The following NECTIN2 variants were observed in gnomAD, a reference collection of about 807,000 sequenced individuals.
The protein encoded by NECTIN2 is nectin-2.
NECTIN2 carries 23 observed loss-of-function variants against 56.9 expected under a neutral mutation model. That is an observed-to-expected ratio of 0.40 (90% CI 0.29 to 0.57). NECTIN2 has a LOEUF of 0.57. Ranked by LOEUF, NECTIN2 falls within the 20% of genes least tolerant of loss-of-function variation. NECTIN2 has a pLI of 0.38. For missense variants in NECTIN2, 587 were observed against 718.3 expected (o/e 0.82, Z 2.09); for synonymous variants, 302 against 313.8 (o/e 0.96, Z 0.40).
intron 1 of NECTIN2, among the ~76,000 whole-genome samples, chr19:44,848,156 A>T (rs1175506089): frequency 6.6e-6 from 1 of 152,018 alleles, no homozygotes; most frequent in Non-Finnish European, 1.5e-5. Flanking sequence ...CAGAGCTGGG[A>T]ACTCCGCTTC....
At chr19:44,878,406 AT>A (rs769058170) in intron 5 of NECTIN2, 2 of 1,565,440 alleles carry the variant, frequency 1.3e-6, no homozygotes, top group African/African-American at 2.7e-5. Context: ...GGATTCTACG[AT>A]CCGAAAGCTC....
At chr19:44,863,517 A>G (rs1969057821) in intron 1 of NECTIN2, among the ~76,000 whole-genome samples, 1 of 152,202 alleles carries the variant, frequency 6.6e-6, no homozygotes, top group Non-Finnish European at 1.5e-5. Flanking sequence ...CCTCTATGCA[A>G]TATATGTATG....
intron 5 of NECTIN2, among the ~76,000 whole-genome samples, chr19:44,880,163 T>G (rs1327973653): frequency 6.6e-6 from 1 of 152,150 alleles, no homozygotes; most frequent in Non-Finnish European, 1.5e-5. Flanking sequence ...CCTCTGGTTG[T>G]TTGTTGTCTG....
chr19:44,850,804 T>C (rs1010240549), intron 1 of NECTIN2, among the ~76,000 whole-genome samples: 1 of 152,112 alleles, frequency 6.6e-6, no homozygotes, highest in Non-Finnish European at 1.5e-5. Context: ...CTGTGATTAA[T>C]ACAATTAATT....
intron 1 of NECTIN2, among the ~76,000 whole-genome samples, chr19:44,862,482 A>T (rs1181606669): frequency 6.6e-6 from 1 of 151,958 alleles, no homozygotes; most frequent in Non-Finnish European, 1.5e-5. Context: ...AAAAAAAGAA[A>T]GAAAATGTGG....
At chr19:44,851,892 G>A (rs967555650) in intron 1 of NECTIN2, among the ~76,000 whole-genome samples, 1 of 152,074 alleles carries the variant, frequency 6.6e-6, no homozygotes, top group African/African-American at 2.4e-5. Flanking sequence ...GAGCGTCTGG[G>A]CAGCGGCCCT....
At chr19:44,859,493 G>A (rs1815772216) in intron 1 of NECTIN2, among the ~76,000 whole-genome samples, 1 of 152,156 alleles carries the variant, frequency 6.6e-6, no homozygotes, top group South Asian at 2.1e-4. Context: ...GTGCACAGCA[G>A]AGGAAGATTT....
chr19:44,873,801 T>C, intron 3 of NECTIN2, 115 bp from the exon 4 acceptor site: 1 of 748,474 alleles, frequency 1.3e-6, no homozygotes, highest in South Asian at 1.6e-5. Flanking sequence ...CAGTTTTGAC[T>C]GCTGTACCTC....
chr19:44,846,702 AC>A, intron 1 of NECTIN2, 89 bp downstream of exon 1: 1 of 1,031,386 alleles, frequency 9.7e-7, no homozygotes, highest in Non-Finnish European at 1.2e-6. Context: ...TTCCCCGCCC[AC>A]CCCCGGCTCC....
At chr19:44,861,855 G>A (rs954537171) in intron 1 of NECTIN2, among the ~76,000 whole-genome samples, 3 of 152,192 alleles carry the variant, frequency 2.0e-5, no homozygotes, top group African/African-American at 7.2e-5. Flanking sequence ...ACAGATGCAG[G>A]CAAGGTTGTG....
intron 1 of NECTIN2, among the ~76,000 whole-genome samples, chr19:44,851,406 C>T (rs937367911): frequency 1.3e-5 from 2 of 151,832 alleles, no homozygotes; most frequent in African/African-American, 4.8e-5. Flanking sequence ...TCCCTCAGAC[C>T]CAGGAATCCA....
chr19:44,857,176 G>A (rs1037829048), intron 1 of NECTIN2, among the ~76,000 whole-genome samples: 2 of 151,840 alleles, frequency 1.3e-5, no homozygotes, highest in South Asian at 2.1e-4. Flanking sequence ...TGGCCACCCC[G>A]GAGTGTGGAT....
chr19:44,876,636 C>T (rs1032139612), intron 5 of NECTIN2, among the ~76,000 whole-genome samples: 2 of 152,200 alleles, frequency 1.3e-5, no homozygotes, highest in Non-Finnish European at 2.9e-5. Flanking sequence ...AACCCACATC[C>T]AGGCACACAC....
At chr19:44,872,240 A>G (rs1175679798) in intron 3 of NECTIN2, 91 bp downstream of exon 3, 9 of 1,458,806 alleles carry the variant, frequency 6.2e-6, no homozygotes, top group Non-Finnish European at 8.3e-6. Context: ...AATGTTGTCT[A>G]CGTGGGTTCC....
Position 44,857,692 on chromosome 19 carries a change from G to A in NECTIN2, c.89-7579G>A, listed in dbSNP as rs555918007. 4.7e-5 allele frequency among the ~76,000 whole-genome samples: 7 copies of A among 150,114 alleles called. No individual in the cohort carries two copies. The East Asian group carries it at 7.8e-4, about 17-fold the overall frequency. On this transcript the variant is annotated intron_variant, in intron 1 of 8. Coordinates refer to ENST00000252483, the MANE Select transcript of NECTIN2 (RefSeq NM_001042724.2). ...GCTGGGATTACAGGCGTGAGCCATCGTGCCGGGTTTTTGTTTTTGTTTTTT... is the reference window on the plus strand; with the variant it reads ...GCTGGGATTACAGGCGTGAGCCATCATGCCGGGTTTTTGTTTTTGTTTTTT...
rs749427814 is a variant in NECTIN2 at position 44,882,269 on chromosome 19, C to T, written c.1101C>T (p.Ala367=). ...ATGGIIGGII[A]AIIATAVAAT... ...GCGGCATCATCGGGGGCATCATCGCCGCCATCATTGCTACTGCTGTGGCTG... is the reference window on the plus strand; with the variant it reads ...GCGGCATCATCGGGGGCATCATCGCTGCCATCATTGCTACTGCTGTGGCTG... Residue 367 remains alanine, a synonymous_variant, in exon 6 of 9, where the codon GCC becomes GCT. Transcript: ENST00000252483. The T allele has an allele frequency of 1.4e-5, 22 of 1,559,586 alleles. No homozygotes were observed. In the African/African-American group the frequency reaches 1.7e-4, roughly 12 times the overall value.
At position 44,865,167 on chromosome 19, in the gene NECTIN2, C is replaced by T. The variant is rs394221; in HGVS notation, c.89-104C>T. On this transcript the variant is annotated intron_variant, in intron 1 of 8. Coordinates refer to ENST00000252483, the MANE Select transcript of NECTIN2 (RefSeq NM_001042724.2). The surrounding 1 kb of genome is among the most constrained non-coding windows in gnomAD (Gnocchi z 5.2). ...GCTGCGAAGCTGCCTACGTTGCATG[C>T]GGAGCCTGCATTTCCCGTGGGGCCC... 0.54 allele frequency: 677,915 copies of T among 1,265,088 alleles called. 185,777 individuals carry two copies. Among genetic ancestry groups the T allele is most frequent in the East Asian group, 0.56 (23,670 of 42,364 alleles). The allele number at this position is 1,265,088 out of a possible 1,614,324, so 78.4% of individuals were successfully genotyped here.
At chr19:44,878,817 G>A (rs937018742) in intron 5 of NECTIN2, 1 of 1,384,788 alleles carries the variant, frequency 7.2e-7, no homozygotes, top group East Asian at 2.7e-5. Flanking sequence ...TGCATGGGGA[G>A]CCCGGGGAGC....
intron 5 of NECTIN2, among the ~76,000 whole-genome samples, chr19:44,876,104 C>T (rs1446578227): frequency 6.6e-6 from 1 of 152,144 alleles, no homozygotes; most frequent in African/African-American, 2.4e-5. Context: ...CGAAACTCCT[C>T]CGAAATTATC....
Sources: allele counts gnomAD v4.1 joint callset (sites outside exome capture counted in the v4.1 genomes callset), GRCh38; gene constraint gnomAD v4.1.1; non-coding constraint Gnocchi (gnomAD v3.1); transcripts MANE v1.5; gene names NCBI Gene and HGNC (gene_info 2026-07-23, HGNC 2026-07-21).